XXYLT1: variants seen among roughly 807,000 people sequenced by gnomAD.
XXYLT1 encodes the protein UDP-xylose:alpha-xyloside alpha-1,3-xylosyltransferase.
In XXYLT1, 20 loss-of-function variants were observed where a neutral mutation model predicts 28.9. That is an observed-to-expected ratio of 0.69 (90% CI 0.49 to 1.00). The LOEUF (loss-of-function observed/expected upper bound fraction) is 1.00, where lower values mean the gene tolerates loss of function less well. XXYLT1 is among the 50% of genes least tolerant of loss of function. The pLI is 0.00. For missense variants in XXYLT1, 542 were observed against 560.1 expected (o/e 0.97, Z 0.33); for synonymous variants, 257 against 253.8 (o/e 1.01, Z -0.12).
chr3:195,149,439 G>C (rs537894647), intron 3 of XXYLT1, among the ~76,000 whole-genome samples: 2 of 152,138 alleles, frequency 1.3e-5, no homozygotes, highest in East Asian at 3.9e-4. Context: ...ATCAGGGCTA[G>C]AGCCATGGCT....
rs374609845 is a variant in XXYLT1 at position 195,149,156 on chromosome 3, A to G, written c.785+7293T>C. 1.3e-3 allele frequency among the ~76,000 whole-genome samples: 200 copies of G among 152,318 alleles called. 1 individual carries two copies. Among genetic ancestry groups the G allele is most frequent in the Non-Finnish European group, 9.6e-4 (65 of 68,030 alleles). ...TTAGGTATAAGGATGGTCAAGATAC[A>G]CTGTTAAGTGAACAAAAAAAGATGT... On this transcript the variant is annotated intron_variant, in intron 3 of 3. Transcript: ENST00000310380.
chr3:195,089,400 C>A (rs28760108), intron 3 of XXYLT1, among the ~76,000 whole-genome samples: 1 of 152,040 alleles, frequency 6.6e-6, no homozygotes, highest in African/African-American at 2.4e-5. Flanking sequence ...GGATTTTCAA[C>A]GCAGAATTTC....
At chr3:195,232,953 T>C (rs57844873) in intron 1 of XXYLT1, among the ~76,000 whole-genome samples, 9,823 of 152,244 alleles carry the variant, frequency 0.065, 1,091 homozygotes, top group African/African-American at 0.22. Context: ...GTCTGGATGA[T>C]CTGTCCAATG....
chr3:195,151,046 C>T (rs1384693207), intron 3 of XXYLT1, among the ~76,000 whole-genome samples: 1 of 152,046 alleles, frequency 6.6e-6, no homozygotes, highest in Admixed American at 6.5e-5. Context: ...TGGAGCCTCA[C>T]AGAGACCTTG....
rs1011610719 is a variant in XXYLT1, at chr3:195,247,729, A to G, written c.505-20873T>C. The G allele has an allele frequency of 7.2e-6, 5 of 694,972 alleles. No individual in the cohort carries two copies. The Admixed American group carries it at 8.1e-5, about 11-fold the overall frequency. The allele number at this position is 694,972 out of a possible 1,614,324, so 43.1% of individuals were successfully genotyped here. On this transcript the variant is annotated intron_variant, in intron 1 of 3. Coordinates refer to ENST00000310380, the MANE Select transcript of XXYLT1 (RefSeq NM_152531.5). ...CTCACACTGCTGTAAAGAAGGACCC[A>G]AGACTTGGTGATTTATAAGGAAAAG...
At chr3:195,260,592 G>A (rs1470292574) in intron 1 of XXYLT1, among the ~76,000 whole-genome samples, 2 of 152,224 alleles carry the variant, frequency 1.3e-5, no homozygotes, top group African/African-American at 4.8e-5. Flanking sequence ...CCTAGGATAG[G>A]TGAAGACGAC....
At position 195,254,161 on chromosome 3, in the gene XXYLT1, G is replaced by C. The variant is rs558443495; in HGVS notation, c.504+16394C>G. ...TTGGAGACTCTGGCCACAGACGTCA[G>C]CAGTGACTGCCCAGGCCTGGCAGGT... On this transcript the variant is annotated intron_variant, in intron 1 of 3. Coordinates refer to ENST00000310380, the MANE Select transcript of XXYLT1 (RefSeq NM_152531.5). Among the ~76,000 whole-genome samples the C allele has an allele frequency of 3.9e-5, 6 of 152,350 alleles. No individual in the cohort carries two copies. In the East Asian group the frequency reaches 1.2e-3, roughly 29 times the overall value.
At chr3:195,116,649 C>T (rs558065405) in intron 3 of XXYLT1, among the ~76,000 whole-genome samples, 1 of 152,264 alleles carries the variant, frequency 6.6e-6, no homozygotes, top group East Asian at 1.9e-4. Flanking sequence ...TACCCTGGGA[C>T]GCTTGGGAGA....
intron 3 of XXYLT1, among the ~76,000 whole-genome samples, chr3:195,148,825 A>G (rs910293113): frequency 2.0e-5 from 3 of 152,262 alleles, no homozygotes; most frequent in African/African-American, 7.2e-5. Context: ...CCTCAGCTCT[A>G]AACTCGGCCA....
intron 2 of XXYLT1, among the ~76,000 whole-genome samples, chr3:195,204,192 G>T (rs1161851704): frequency 6.6e-6 from 1 of 151,768 alleles, no homozygotes; most frequent in Non-Finnish European, 1.5e-5. Flanking sequence ...AACATACAAA[G>T]ATTAGCCGGA....
chr3:195,110,825 A>AGT (rs771544244), intron 3 of XXYLT1, among the ~76,000 whole-genome samples: 5 of 44,416 alleles, frequency 1.1e-4, no homozygotes, highest in Admixed American at 7.2e-4. Context: ...GTGGTGTATA[A>AGT]GTGTGTGTGT....
intron 3 of XXYLT1, among the ~76,000 whole-genome samples, chr3:195,125,958 C>A (rs574959270): frequency 6.7e-6 from 1 of 150,260 alleles, no homozygotes; most frequent in East Asian, 2.1e-4. Context: ...TTCACGATAC[C>A]CCGAGATAAC....
At chr3:195,160,627 G>A (rs747088458) in intron 2 of XXYLT1, among the ~76,000 whole-genome samples, 10 of 152,174 alleles carry the variant, frequency 6.6e-5, no homozygotes, top group African/African-American at 1.7e-4. Context: ...TCTGGCCTGC[G>A]GGAGCCAAAG....
intron 2 of XXYLT1, chr3:195,207,535 C>T (rs779114832): frequency 1.3e-5 from 6 of 453,996 alleles, no homozygotes; most frequent in Non-Finnish European, 1.8e-5. Flanking sequence ...AATACCACAT[C>T]CTCCTCAAAG....
At position 195,183,198 on chromosome 3, in the gene XXYLT1, C is replaced by T. The variant is rs180820359; in HGVS notation, c.653-26617G>A. Among the ~76,000 whole-genome samples, 12 of 152,266 alleles carry T rather than the reference C, an allele frequency of 7.9e-5. No individual in the cohort carries two copies. In the East Asian group the frequency reaches 2.1e-3, roughly 27 times the overall value. On this transcript the variant is annotated intron_variant, in intron 2 of 3. Transcript: ENST00000310380. ...TGGCTGTGTCCCCACCCAAATCTCA[C>T]CTTGAATTGTAATCCTCATAACCCC...
chr3:195,138,358 G>C (rs1719304335), intron 3 of XXYLT1, among the ~76,000 whole-genome samples: 1 of 152,118 alleles, frequency 6.6e-6, no homozygotes, highest in Non-Finnish European at 1.5e-5. Context: ...GAGGGGAGAG[G>C]CTGGGCAATA....
chr3:195,126,296 G>C (rs1178209234), intron 3 of XXYLT1, among the ~76,000 whole-genome samples: 1 of 152,206 alleles, frequency 6.6e-6, no homozygotes, highest in Non-Finnish European at 1.5e-5. Flanking sequence ...TGGGGTATTC[G>C]TTACCGCACC....
At chr3:195,177,624 G>A (rs1721733996) in intron 2 of XXYLT1, among the ~76,000 whole-genome samples, 1 of 152,032 alleles carries the variant, frequency 6.6e-6, no homozygotes, top group African/African-American at 2.4e-5. Flanking sequence ...CTTAGCAGTA[G>A]CCTCAAAAAA....
chr3:195,188,449 C>T (rs1722289369), intron 2 of XXYLT1, among the ~76,000 whole-genome samples: 2 of 152,294 alleles, frequency 1.3e-5, no homozygotes, highest in South Asian at 4.1e-4. Context: ...CATAAACTGA[C>T]CCTTAATTTG....
Sources: gnomAD v4.1 joint callset for allele counts (sites outside exome capture counted in the v4.1 genomes callset) on GRCh38, gnomAD v4.1.1 for gene constraint, MANE v1.5 for transcripts, NCBI Gene and HGNC (gene_info 2026-07-23, HGNC 2026-07-21) for gene names.